EFNA5: variants seen among roughly 807,000 people sequenced by gnomAD.
EFNA5 encodes the protein ephrin A5.
A neutral mutation model predicts 22.9 loss-of-function variants in EFNA5; 5 were observed. The observed-to-expected ratio is 0.22, with a 90% CI of 0.11 to 0.46. EFNA5 has a LOEUF of 0.46. Ranked by LOEUF, EFNA5 falls within the 20% of genes least tolerant of loss-of-function variation. The probability of loss-of-function intolerance (pLI) is 0.99; values close to 1 mark genes in which losing one functional copy is unlikely to be tolerated. For synonymous variants in EFNA5, 113 were observed against 112.2 expected (o/e 1.01, Z -0.04); for missense variants, 237 against 293.3 (o/e 0.81, Z 1.40).
At chr5:107,511,741 A>C (rs865979761) in intron 1 of EFNA5, among the ~76,000 whole-genome samples, 1 of 151,868 alleles carries the variant, frequency 6.6e-6, no homozygotes, top group African/African-American at 2.4e-5. Flanking sequence ...CCTATTTAAC[A>C]TCAAAACTAT....
At chr5:107,572,178 T>C (rs957781009) in intron 1 of EFNA5, among the ~76,000 whole-genome samples, 1 of 152,040 alleles carries the variant, frequency 6.6e-6, no homozygotes, top group Non-Finnish European at 1.5e-5. Flanking sequence ...CCTGTTCTTA[T>C]CTGGCAAGTA....
chr5:107,418,037 C>T (rs1046614112), intron 2 of EFNA5, among the ~76,000 whole-genome samples: 4 of 152,126 alleles, frequency 2.6e-5, no homozygotes, highest in African/African-American at 7.2e-5. Flanking sequence ...ATATTTTGGT[C>T]GTCTATTCTA....
At chr5:107,385,110 A>G (rs796811076) in intron 4 of EFNA5, among the ~76,000 whole-genome samples, 4 of 152,158 alleles carry the variant, frequency 2.6e-5, no homozygotes, top group South Asian at 2.1e-4. Context: ...CATTCTGCCA[A>G]ACTTTTGCAA....
At chr5:107,628,288 T>C (rs1048477234) in intron 1 of EFNA5, among the ~76,000 whole-genome samples, 15 of 152,210 alleles carry the variant, frequency 9.9e-5, no homozygotes, top group Admixed American at 4.6e-4. Flanking sequence ...ATGAATCAAA[T>C]GCTCTATATT....
intron 1 of EFNA5, among the ~76,000 whole-genome samples, chr5:107,527,897 C>A (rs1211639934): frequency 1.3e-5 from 2 of 152,100 alleles, no homozygotes; most frequent in South Asian, 4.1e-4. Context: ...TTCTCCTCCC[C>A]CTCAGTACAT....
chr5:107,529,464 C>T (rs1197727565), intron 1 of EFNA5, among the ~76,000 whole-genome samples: 1 of 152,156 alleles, frequency 6.6e-6, no homozygotes, highest in East Asian at 1.9e-4. Context: ...CTCAGAGGAT[C>T]TGGCTTTCCC....
chr5:107,670,683 G>A lies in EFNA5; in HGVS notation c.-70C>T, dbSNP rs1751178614. 6.4e-7 allele frequency: 1 copy of A among 1,557,342 alleles called. No homozygotes were observed. ...GAGAGCGGGGATCCGGAGGGAGGGA[G>A]GCAGGCAAAGGGACAGAGAGAGAGC... On this transcript the variant is annotated 5_prime_UTR_variant, in exon 1 of 5. Coordinates refer to ENST00000333274, the MANE Select transcript of EFNA5 (RefSeq NM_001962.3).
At chr5:107,413,871 C>G (rs748858899) in intron 2 of EFNA5, among the ~76,000 whole-genome samples, 3 of 152,134 alleles carry the variant, frequency 2.0e-5, no homozygotes, top group Non-Finnish European at 4.4e-5. Flanking sequence ...CTCCCAGAAT[C>G]TTAGTCTATT....
In EFNA5 at chr5:107,527,957, T is replaced by C. The variant is rs182683916; in HGVS notation, c.126-100448A>G. ...CAGAAATAGAAGTTATCCCAAACATTCTCTACAAATGTTACTTCAGAAGCC... is the reference window on the plus strand; with the variant it reads ...CAGAAATAGAAGTTATCCCAAACATCCTCTACAAATGTTACTTCAGAAGCC... On this transcript the variant is annotated intron_variant, in intron 1 of 4. Coordinates refer to ENST00000333274, the MANE Select transcript of EFNA5 (RefSeq NM_001962.3). Among the ~76,000 whole-genome samples, 163 of 152,098 alleles carry C rather than the reference T, an allele frequency of 1.1e-3. 1 individual carries two copies. The highest frequency in any genetic ancestry group is 3.8e-3 in the African/African-American group (159 of 41,466).
chr5:107,418,801 A>G (rs1354622089), intron 2 of EFNA5, among the ~76,000 whole-genome samples: 4 of 152,268 alleles, frequency 2.6e-5, no homozygotes, highest in South Asian at 4.1e-4. Context: ...GATGGTCCCA[A>G]TGTAAAAATC....
chr5:107,404,604 G>T (rs1748162303), intron 2 of EFNA5, among the ~76,000 whole-genome samples: 1 of 152,174 alleles, frequency 6.6e-6, no homozygotes, highest in Non-Finnish European at 1.5e-5. Flanking sequence ...TGAGGAAACT[G>T]AGGCTTAGGG....
chr5:107,558,032 G>A (rs1337709268), intron 1 of EFNA5, among the ~76,000 whole-genome samples: 1 of 152,076 alleles, frequency 6.6e-6, no homozygotes, highest in African/African-American at 2.4e-5. Context: ...GTTTAGAATA[G>A]TGCCTGGCAC....
At chr5:107,669,610 C>G (rs1343504410) in intron 1 of EFNA5, among the ~76,000 whole-genome samples, 2 of 152,114 alleles carry the variant, frequency 1.3e-5, no homozygotes, top group Non-Finnish European at 2.9e-5. Context: ...ACTAGGACCG[C>G]CCCCGGCGCC....
At chr5:107,403,485 C>T (rs947162749) in intron 2 of EFNA5, among the ~76,000 whole-genome samples, 3 of 152,132 alleles carry the variant, frequency 2.0e-5, no homozygotes, top group African/African-American at 7.2e-5. Flanking sequence ...GTGGAAAATG[C>T]CTGGCTCACC....
chr5:107,626,150 C>A (rs1328693452), intron 1 of EFNA5, among the ~76,000 whole-genome samples: 1 of 152,166 alleles, frequency 6.6e-6, no homozygotes, highest in Admixed American at 6.5e-5. Flanking sequence ...AGTCCTAGTC[C>A]AATTAAAATG....
At chr5:107,429,715 T>C (rs1196429293) in intron 1 of EFNA5, among the ~76,000 whole-genome samples, 1 of 152,140 alleles carries the variant, frequency 6.6e-6, no homozygotes, top group Non-Finnish European at 1.5e-5. Context: ...AAGCCTTAGA[T>C]AAGGAAATGT....
At chr5:107,457,117 T>C (rs1374322019) in intron 1 of EFNA5, among the ~76,000 whole-genome samples, 2 of 152,180 alleles carry the variant, frequency 1.3e-5, no homozygotes, top group Non-Finnish European at 2.9e-5. Flanking sequence ...CACTTAACTC[T>C]AATTGAAAGG....
At chr5:107,489,456 C>T (rs747071860) in intron 1 of EFNA5, among the ~76,000 whole-genome samples, 1 of 152,162 alleles carries the variant, frequency 6.6e-6, no homozygotes, top group Non-Finnish European at 1.5e-5. Flanking sequence ...CAGGCATGAA[C>T]CACCGTGCCC....
At chr5:107,655,620 T>G (rs1178987151) in intron 1 of EFNA5, among the ~76,000 whole-genome samples, 1 of 152,094 alleles carries the variant, frequency 6.6e-6, no homozygotes, top group Non-Finnish European at 1.5e-5. Flanking sequence ...GTTTGTACCT[T>G]CAGGAGTAAA....
Sources: allele counts gnomAD v4.1 joint callset (sites outside exome capture counted in the v4.1 genomes callset), GRCh38; gene constraint gnomAD v4.1.1; transcripts MANE v1.5; gene names NCBI Gene and HGNC (gene_info 2026-07-23, HGNC 2026-07-21).